Variants in SPIDR observed in about 807,000 individuals in gnomAD.
SPIDR encodes DNA repair-scaffolding protein.
SPIDR carries 93 observed loss-of-function variants against 104.6 expected under a neutral mutation model. That is an observed-to-expected ratio of 0.89 (90% CI 0.75 to 1.06). The LOEUF (loss-of-function observed/expected upper bound fraction) is 1.06. SPIDR is among the 50% of genes least tolerant of loss of function. The pLI is 0.00. For missense variants in SPIDR, 1,154 were observed against 1,111.2 expected (o/e 1.04, Z -0.55); for synonymous variants, 431 against 416.9 (o/e 1.03, Z -0.41).
At chr8:47,528,103 C>G (rs963165690) in intron 8 of SPIDR, 1 of 152,114 alleles carries the variant, frequency 6.6e-6, no homozygotes, top group African/African-American at 2.4e-5. Context: ...ATATGTTGTT[C>G]CACTGGATAA....
chr8:47,673,712 G>A (rs1031278675), intron 10 of SPIDR, 89 bp from the exon 11 acceptor site: 2 of 1,553,160 alleles, frequency 1.3e-6, no homozygotes, highest in African/African-American at 1.4e-5. Flanking sequence ...GCAGTATATA[G>A]TGGCTTTATA....
At chr8:47,486,329 G>A (rs1395213270) in intron 8 of SPIDR, among the ~76,000 whole-genome samples, 3 of 152,168 alleles carry the variant, frequency 2.0e-5, no homozygotes, top group South Asian at 4.1e-4. Context: ...AGCAAACAAA[G>A]CCTCCAAGAA....
intron 8 of SPIDR, among the ~76,000 whole-genome samples, chr8:47,492,591 T>G (rs1554740887): frequency 6.6e-6 from 1 of 152,226 alleles, no homozygotes; most frequent in Non-Finnish European, 1.5e-5. Context: ...CTTTTACCTC[T>G]TCTCTGAATC....
chr8:47,564,803 C>A (rs1228937086), intron 8 of SPIDR, among the ~76,000 whole-genome samples: 2 of 151,862 alleles, frequency 1.3e-5, no homozygotes, highest in South Asian at 2.1e-4. Context: ...ATATATAATA[C>A]ATCATTTCAT....
intron 10 of SPIDR, among the ~76,000 whole-genome samples, chr8:47,613,235 T>C (rs941845113): frequency 3.3e-5 from 5 of 152,206 alleles, no homozygotes; most frequent in South Asian, 2.1e-4. Context: ...TTCATACAAA[T>C]AGAATGATAA....
chr8:47,603,819 T>C (rs1423711520), intron 10 of SPIDR, among the ~76,000 whole-genome samples: 1 of 152,212 alleles, frequency 6.6e-6, no homozygotes, highest in African/African-American at 2.4e-5. Context: ...AGTCGTGTCT[T>C]CAGACAAAAA....
At chr8:47,486,827 C>A (rs1244635196) in intron 8 of SPIDR, among the ~76,000 whole-genome samples, 1 of 152,138 alleles carries the variant, frequency 6.6e-6, no homozygotes, top group Non-Finnish European at 1.5e-5. Context: ...ACCAGGCCTG[C>A]CCTAAAAGAG....
chr8:47,307,533 GTTTTTTTTTTT>G lies in SPIDR; in HGVS notation c.525+13516_525+13526del, dbSNP rs71225675. 3.6e-4 allele frequency among the ~76,000 whole-genome samples: 26 copies of G among 72,136 alleles called. No individual in the cohort carries two copies. In the South Asian group the frequency reaches 0.011, roughly 32 times the overall value. 47.3% of individuals were successfully genotyped at this position (72,136 alleles called of 152,430 possible). ...CGCACCCAGCCTCTTTTCTCATTTCGTTTTTTTTTTTTTTTTTTTTTTTGAGACAGAGTCTC... is the reference window on the plus strand; with the variant it reads ...CGCACCCAGCCTCTTTTCTCATTTCGTTTTTTTTTTTTGAGACAGAGTCTC... On this transcript the variant is annotated intron_variant, in intron 5 of 19. Transcript: ENST00000297423.
chr8:47,308,320 C>G (rs1355724814), intron 5 of SPIDR, among the ~76,000 whole-genome samples: 2 of 151,960 alleles, frequency 1.3e-5, no homozygotes, highest in Non-Finnish European at 2.9e-5. Context: ...ACCTCAGCCT[C>G]CCAAAGTGCT....
chr8:47,725,362 T>G (rs2084062983), intron 16 of SPIDR, among the ~76,000 whole-genome samples: 1 of 152,166 alleles, frequency 6.6e-6, no homozygotes, highest in Non-Finnish European at 1.5e-5. Flanking sequence ...TCTTTTTCTT[T>G]CTGATGCTCA....
intron 8 of SPIDR, among the ~76,000 whole-genome samples, chr8:47,457,857 T>G (rs193169920): frequency 6.6e-6 from 1 of 152,306 alleles, no homozygotes; most frequent in Non-Finnish European, 1.5e-5. Flanking sequence ...GGGTGTCCTT[T>G]CCCCACTTTA....
intron 8 of SPIDR, among the ~76,000 whole-genome samples, chr8:47,486,817 A>G (rs1554731688): frequency 6.6e-6 from 1 of 152,172 alleles, no homozygotes. Context: ...TTTTGTCACC[A>G]CCAGGCCTGC....
chr8:47,413,884 A>C (rs782528696), intron 7 of SPIDR, among the ~76,000 whole-genome samples: 1 of 152,240 alleles, frequency 6.6e-6, no homozygotes, highest in Admixed American at 6.5e-5. Context: ...TGAACTGTCA[A>C]GTCGAAGTTT....
chr8:47,552,455 C>T (rs2090661674), intron 8 of SPIDR, among the ~76,000 whole-genome samples: 1 of 152,104 alleles, frequency 6.6e-6, no homozygotes, highest in South Asian at 2.1e-4. Context: ...CTGGGTGCTC[C>T]TGTATTGGGT....
chr8:47,290,498 A>C (rs1220631937), intron 3 of SPIDR, among the ~76,000 whole-genome samples: 1 of 152,216 alleles, frequency 6.6e-6, no homozygotes, highest in East Asian at 1.9e-4. Context: ...TGAAGGATAC[A>C]AGAGTTTTCT....
intron 8 of SPIDR, among the ~76,000 whole-genome samples, chr8:47,535,971 C>A (rs962008011): frequency 7.9e-5 from 12 of 152,132 alleles, no homozygotes; most frequent in African/African-American, 2.9e-4. Context: ...TATAGCAAGG[C>A]TGCAGAATAT....
At chr8:47,424,160 G>A (rs187328919) in intron 7 of SPIDR, among the ~76,000 whole-genome samples, 42 of 152,298 alleles carry the variant, frequency 2.8e-4, no homozygotes, top group Admixed American at 2.5e-3. Context: ...TTAGGGGCAG[G>A]TCTGGGCAGA....
intron 5 of SPIDR, among the ~76,000 whole-genome samples, chr8:47,379,830 G>C (rs1441540790): frequency 6.6e-6 from 1 of 152,064 alleles, no homozygotes; most frequent in Non-Finnish European, 1.5e-5. Flanking sequence ...GGAGCTTCTG[G>C]GTGAGGAGCA....
intron 3 of SPIDR, among the ~76,000 whole-genome samples, chr8:47,288,762 A>G (rs1003040865): frequency 1.1e-4 from 17 of 152,326 alleles, no homozygotes; most frequent in Non-Finnish European, 2.4e-4. Flanking sequence ...GTAATTCTAG[A>G]TGTTTGTGGC....
Sources: allele counts gnomAD v4.1 joint callset (sites outside exome capture counted in the v4.1 genomes callset), GRCh38; gene constraint gnomAD v4.1.1; transcripts MANE v1.5; gene names NCBI Gene and HGNC (gene_info 2026-07-23, HGNC 2026-07-21).